DERL1: variants seen among roughly 807,000 people sequenced by gnomAD.
The protein encoded by DERL1 is derlin-1.
A neutral mutation model predicts 41.6 loss-of-function variants in DERL1; 24 were observed. The ratio of observed to expected loss-of-function variants is 0.58; its 90% CI spans 0.42 to 0.81. The LOEUF is 0.81. Among genes scored for constraint, DERL1 ranks in the 30% least tolerant of loss-of-function variants. DERL1 has a pLI of 0.00. For missense variants in DERL1, 260 were observed against 314.3 expected (o/e 0.83, Z 1.31); for synonymous variants, 124 against 112.5 (o/e 1.10, Z -0.65).
At chr8:123,035,466 G>C (rs540820623) in intron 1 of DERL1, among the ~76,000 whole-genome samples, 1 of 152,320 alleles carries the variant, frequency 6.6e-6, no homozygotes, top group African/African-American at 2.4e-5. Flanking sequence ...AGTGCCAGGA[G>C]TGAAGAGGCC....
chr8:123,025,979 GAA>G (rs1343863945), intron 2 of DERL1, among the ~76,000 whole-genome samples: 1 of 123,290 alleles, frequency 8.1e-6, no homozygotes, highest in African/African-American at 2.9e-5. Flanking sequence ...TTTAACAGAA[GAA>G]AAAAAAAAAA....
At chr8:123,023,605 C>T (rs1812616091) in intron 4 of DERL1, 108 bp downstream of exon 4, 3 of 973,358 alleles carry the variant, frequency 3.1e-6, no homozygotes, top group Non-Finnish European at 4.5e-6. Context: ...TTCAAAATAC[C>T]ACATAATTAA....
chr8:123,032,157 T>C (rs551889300), intron 1 of DERL1, among the ~76,000 whole-genome samples: 3 of 149,190 alleles, frequency 2.0e-5, no homozygotes, highest in East Asian at 3.9e-4. Flanking sequence ...CCCCCCGAGA[T>C]AGGATCTTGC....
At chr8:123,033,981 CA>C (rs1812870630) in intron 1 of DERL1, among the ~76,000 whole-genome samples, 1 of 152,108 alleles carries the variant, frequency 6.6e-6, no homozygotes, top group South Asian at 2.1e-4. Context: ...GTACCAAGCA[CA>C]AAAGACATGG....
chr8:123,024,850 A>G lies in DERL1; in HGVS notation c.330+136T>C, dbSNP rs573065586. ...TTACTACAGTTTTTTTTAAAAAACT[A>G]TAATTATTCTTATTAACGGTAGTCA... is the stretch of plus-strand genomic sequence containing the variant. On this transcript the variant is annotated intron_variant, in intron 3 of 7. Coordinates refer to ENST00000259512, the MANE Select transcript of DERL1 (RefSeq NM_024295.6). The G allele has an allele frequency of 8.7e-4, 731 of 842,480 alleles. 1 individual carries two copies. Among genetic ancestry groups the G allele is most frequent in the Non-Finnish European group, 1.1e-3 (601 of 566,900 alleles). The allele number at this position is 842,480 out of a possible 1,614,324, so 52.2% of individuals were successfully genotyped here. A position where few individuals can be genotyped will look rare whatever the true frequency, so the allele number is the denominator to read the frequency against.
At position 123,030,919 on chromosome 8, in the gene DERL1, G is replaced by A. The variant is rs143451197; in HGVS notation, c.154-203C>T. The stretch of plus-strand genomic sequence containing the variant: ...ACTTTGCAAATCAATGGAATAAAAC[G>A]ACATCATAAAATAAGCAACAAATAT... On this transcript the variant is annotated intron_variant, in intron 1 of 7. Transcript: ENST00000259512. Among the ~76,000 whole-genome samples, 199 of 152,220 alleles carry A rather than the reference G, an allele frequency of 1.3e-3. 2 individuals carry two copies. The highest frequency in any genetic ancestry group is 4.6e-3 in the African/African-American group (189 of 41,520).
chr8:123,016,038 A>G (rs1265968763), intron 7 of DERL1: 2 of 152,660 alleles, frequency 1.3e-5, no homozygotes, highest in African/African-American at 4.8e-5. Context: ...CAGCATTTCT[A>G]AAAGGCTCTC....
intron 1 of DERL1, among the ~76,000 whole-genome samples, chr8:123,032,852 A>G (rs1375832690): frequency 7.0e-6 from 1 of 142,880 alleles, no homozygotes; most frequent in Non-Finnish European, 1.5e-5. Context: ...AGTTATTTTA[A>G]TTTCTATTTT....
At position 123,020,796 on chromosome 8, in the gene DERL1, C is replaced by CAAAAAAAAAAA. The variant is rs59816749; in HGVS notation, c.506+640_506+650dup. On this transcript the variant is annotated intron_variant, in intron 6 of 7. Transcript: ENST00000259512. ...AAAACCCCATCTCTACTAAAAATCC[C>CAAAAAAAAAAA]AAAAAAAAAAAAAAAAAAAAATAGC... Among the ~76,000 whole-genome samples the CAAAAAAAAAAA allele has an allele frequency of 4.4e-5, 5 of 112,368 alleles. 1 individual carries two copies. The highest frequency in any genetic ancestry group is 7.5e-5 in the African/African-American group (2 of 26,708). 73.7% of individuals were successfully genotyped at this position (112,368 alleles called of 152,430 possible).
At chr8:123,039,353 T>A (rs758680679) in intron 1 of DERL1, among the ~76,000 whole-genome samples, 1 of 152,214 alleles carries the variant, frequency 6.6e-6, no homozygotes, top group Non-Finnish European at 1.5e-5. Context: ...TTCAAACCTC[T>A]TAACATGACC....
chr8:123,025,788 C>G (rs1812674040), intron 2 of DERL1: 1 of 152,236 alleles, frequency 6.6e-6, no homozygotes, highest in South Asian at 2.1e-4. Context: ...GACCTACGAC[C>G]TGCTTCTTAC....
At chr8:123,021,340 G>A (rs1429853579) in intron 6 of DERL1, 107 bp downstream of exon 6, 14 of 1,036,656 alleles carry the variant, frequency 1.4e-5, no homozygotes, top group Admixed American at 9.4e-5. Flanking sequence ...GTTCTAATGC[G>A]TCAATGTTGA....
intron 5 of DERL1, among the ~76,000 whole-genome samples, chr8:123,022,314 C>T (rs1812574075): frequency 6.6e-6 from 1 of 152,052 alleles, no homozygotes; most frequent in South Asian, 2.1e-4. Context: ...TGTTTGGGGG[C>T]AAAAACAATC....
intron 5 of DERL1, among the ~76,000 whole-genome samples, chr8:123,022,273 G>A (rs1316994212): frequency 6.6e-6 from 1 of 152,204 alleles, no homozygotes; most frequent in East Asian, 1.9e-4. Context: ...TGTTACAGGT[G>A]GAAAATTGTG....
At chr8:123,027,658 T>C (rs569589779) in intron 2 of DERL1, among the ~76,000 whole-genome samples, 1 of 152,202 alleles carries the variant, frequency 6.6e-6, no homozygotes, top group East Asian at 1.9e-4. Flanking sequence ...TCCCACAAAT[T>C]TGTCCTAAAT....
In DERL1 at chr8:123,022,913, A is replaced by C; in HGVS notation, c.358-134T>G. ...AAGGGAAACTCAACTGATCAGAATT[A>C]TAAATTGATCCTATTATTTATCATA... On this transcript the variant is annotated intron_variant, in intron 4 of 7. Coordinates refer to ENST00000259512, the MANE Select transcript of DERL1 (RefSeq NM_024295.6). 4 of 596,978 alleles carry C rather than the reference A, an allele frequency of 6.7e-6. No homozygotes were observed. In the South Asian group the frequency reaches 9.0e-5, roughly 13 times the overall value. The allele number at this position is 596,978 out of a possible 1,614,324, so 37.0% of individuals were successfully genotyped here. A position where few individuals can be genotyped will look rare whatever the true frequency, so the allele number is the denominator to read the frequency against.
At chr8:123,022,500 C>A (rs1188868554) in intron 5 of DERL1, among the ~76,000 whole-genome samples, 184 bp downstream of exon 5, 1 of 152,082 alleles carries the variant, frequency 6.6e-6, no homozygotes, top group Non-Finnish European at 1.5e-5. Context: ...AAACAAAGGC[C>A]AGCAACGGAC....
rs1298050152 is a variant in DERL1 at position 123,014,147 on chromosome 8, A to G, written c.*1300T>C. The G allele has an allele frequency of 1.3e-5, 2 of 152,506 alleles. No homozygotes were observed. The highest frequency in any genetic ancestry group is 2.9e-5 in the Non-Finnish European group (2 of 68,036). 9.4% of individuals were successfully genotyped at this position (152,506 alleles called of 1,614,324 possible). The stretch of plus-strand genomic sequence containing the variant: ...AAATAAAATAACTGTGTGAAAAGCC[A>G]TGGCCTTCAAAAAACTTTATTTGGT... On this transcript the variant is annotated 3_prime_UTR_variant, in exon 8 of 8. Transcript: ENST00000259512.
Position 123,014,530 on chromosome 8 carries a change from A to G in DERL1, c.*917T>C, listed in dbSNP as rs186975324. The stretch of plus-strand genomic sequence containing the variant: ...GATTGAAATGGAATCAATGCCCAGG[A>G]GCCTCTCAAAGAGAGCATCTCCCTG... On this transcript the variant is annotated 3_prime_UTR_variant, in exon 8 of 8. Transcript: ENST00000259512. The G allele has an allele frequency of 2.4e-4, 37 of 152,780 alleles. No individual in the cohort carries two copies. Among genetic ancestry groups the G allele is most frequent in the African/African-American group, 8.2e-4 (34 of 41,568 alleles). The allele number at this position is 152,780 out of a possible 1,614,324, so 9.5% of individuals were successfully genotyped here.
Sources: allele counts gnomAD v4.1 joint callset (sites outside exome capture counted in the v4.1 genomes callset), GRCh38; gene constraint gnomAD v4.1.1; transcripts MANE v1.5; gene names NCBI Gene and HGNC (gene_info 2026-07-23, HGNC 2026-07-21).